IL1RAPL1: variants seen among roughly 807,000 people sequenced by gnomAD.
The protein encoded by IL1RAPL1 is interleukin-1 receptor accessory protein-like 1.
Under a neutral mutation model 48.4 loss-of-function variants are expected in IL1RAPL1, and 3 were observed. The observed-to-expected ratio is 0.06, with a 90% CI of 0.03 to 0.16. The LOEUF (loss-of-function observed/expected upper bound fraction) is 0.16, where lower values mean the gene tolerates loss of function less well. Among genes scored for constraint, IL1RAPL1 ranks in the 10% least tolerant of loss-of-function variants. The pLI, the probability that IL1RAPL1 is intolerant of heterozygous loss-of-function variation, is 1.00. For synonymous variants in IL1RAPL1, 185 were observed against 187.7 expected (o/e 0.99, Z 0.12); for missense variants, 349 against 530.6 (o/e 0.66, Z 3.36).
At chrX:29,062,032 T>G (rs1927353425) in intron 2 of IL1RAPL1, among the ~76,000 whole-genome samples, 1 of 112,283 alleles carries the variant, frequency 8.9e-6, no homozygotes. Context: ...GGATATGGGA[T>G]GTAAGGAGAA....
chrX:29,715,649 A>G (rs750999315), intron 6 of IL1RAPL1, among the ~76,000 whole-genome samples: 3 of 111,163 alleles, frequency 2.7e-5, no homozygotes, highest in Non-Finnish European at 5.7e-5. Flanking sequence ...ATTCTTTTCT[A>G]CCCTATCCTG....
chrX:28,910,490 A>G (rs1463421983), intron 2 of IL1RAPL1, among the ~76,000 whole-genome samples: 1 of 110,553 alleles, frequency 9.0e-6, no homozygotes, highest in Admixed American at 9.7e-5. Flanking sequence ...CAGAAGAGGA[A>G]AGAATTTCAA....
At chrX:29,211,022 ATTCTATC>A (rs1272902831) in intron 2 of IL1RAPL1, among the ~76,000 whole-genome samples, 3 of 111,339 alleles carry the variant, frequency 2.7e-5, no homozygotes, top group East Asian at 5.6e-4. Context: ...GATTAGCTGT[ATTCTATC>A]TTCTAACAGT....
In IL1RAPL1 at chrX:29,839,881, G is replaced by A. The variant is rs757418397; in HGVS notation, c.779-77583G>A. Among the ~76,000 whole-genome samples the A allele has an allele frequency of 2.9e-4, 32 of 112,237 alleles. No individual in the cohort carries two copies. In the South Asian group the frequency reaches 5.5e-3, roughly 19 times the overall value. ...GGTTGCAGTGAGTTGTGATCACGCC[G>A]CACCACTGCACTCTAACCTGGGTGG... On this transcript the variant is annotated intron_variant, in intron 6 of 10. Coordinates refer to ENST00000378993, the MANE Select transcript of IL1RAPL1 (RefSeq NM_014271.4).
At chrX:28,615,204 T>TG (rs1569138760) in intron 1 of IL1RAPL1, among the ~76,000 whole-genome samples, 3 of 37,038 alleles carry the variant, frequency 8.1e-5, no homozygotes, top group Admixed American at 3.1e-4. Context: ...TGTCTGTTTT[T>TG]TTTTTTTTTT....
chrX:29,547,260 A>G (rs983154013), intron 5 of IL1RAPL1, among the ~76,000 whole-genome samples: 2 of 111,398 alleles, frequency 1.8e-5, no homozygotes, highest in African/African-American at 6.5e-5. Context: ...TGTAACTTAC[A>G]TATTAATATG....
At chrX:29,460,821 C>T (rs1251129870) in intron 5 of IL1RAPL1, among the ~76,000 whole-genome samples, 2 of 111,721 alleles carry the variant, frequency 1.8e-5, no homozygotes, top group East Asian at 5.6e-4. Flanking sequence ...AGAGCTAAAA[C>T]TATGAAATGT....
chrX:29,634,727 A>T (rs748460438), intron 5 of IL1RAPL1, among the ~76,000 whole-genome samples: 5 of 112,003 alleles, frequency 4.5e-5, no homozygotes, highest in Non-Finnish European at 9.4e-5. Flanking sequence ...CCTTCTGCAC[A>T]CAAAGCTTCC....
chrX:29,905,753 C>T (rs1402001485), intron 6 of IL1RAPL1, among the ~76,000 whole-genome samples: 3 of 111,006 alleles, frequency 2.7e-5, no homozygotes, highest in Non-Finnish European at 5.7e-5. Context: ...CAAATATATT[C>T]CCTTTTATAG....
At chrX:29,720,727 A>G (rs1927618484) in intron 6 of IL1RAPL1, among the ~76,000 whole-genome samples, 2 of 111,679 alleles carry the variant, frequency 1.8e-5, no homozygotes, top group South Asian at 3.8e-4. Context: ...CGTTCTGCAC[A>G]TGTATCCTAG....
At chrX:29,355,879 T>TA (rs72441413) in intron 3 of IL1RAPL1, among the ~76,000 whole-genome samples, 6 of 108,699 alleles carry the variant, frequency 5.5e-5, no homozygotes, top group Admixed American at 2.0e-4. Flanking sequence ...AAGTAAACAG[T>TA]AAAAAAAAAC....
intron 2 of IL1RAPL1, among the ~76,000 whole-genome samples, chrX:29,057,433 T>C (rs1490035536): frequency 2.7e-5 from 3 of 109,392 alleles, no homozygotes; most frequent in African/African-American, 1.0e-4. Context: ...TTTTTCTTTT[T>C]TTTTCTTTTT....
At chrX:29,228,293 C>G (rs1380185840) in intron 2 of IL1RAPL1, among the ~76,000 whole-genome samples, 1 of 101,173 alleles carries the variant, frequency 9.9e-6, no homozygotes, top group Non-Finnish European at 2.0e-5. Flanking sequence ...TTTTGTCACT[C>G]AAATATGCAT....
chrX:29,893,119 G>A (rs921586429), intron 6 of IL1RAPL1, among the ~76,000 whole-genome samples: 1 of 111,611 alleles, frequency 9.0e-6, no homozygotes, highest in Non-Finnish European at 1.9e-5. Flanking sequence ...CGTTTACTGA[G>A]CTGTTGCTCT....
chrX:28,791,717 A>G (rs991245224), intron 2 of IL1RAPL1, among the ~76,000 whole-genome samples: 1 of 111,950 alleles, frequency 8.9e-6, no homozygotes, highest in African/African-American at 3.2e-5. Context: ...CCTAGTGTCT[A>G]TATTAAGATC....
At chrX:29,152,662 T>C (rs997501710) in intron 2 of IL1RAPL1, among the ~76,000 whole-genome samples, 1 of 112,369 alleles carries the variant, frequency 8.9e-6, no homozygotes. Flanking sequence ...CAACTTGTGA[T>C]TGTCTGAAAA....
chrX:29,933,274 G>GCCACA (rs1932976388), intron 8 of IL1RAPL1, among the ~76,000 whole-genome samples: 1 of 110,973 alleles, frequency 9.0e-6, no homozygotes, highest in South Asian at 3.9e-4. Flanking sequence ...CATGCCACGT[G>GCCACA]TATACCTATG....
intron 2 of IL1RAPL1, among the ~76,000 whole-genome samples, chrX:29,015,489 T>A (rs187135330): frequency 2.7e-5 from 3 of 111,046 alleles, no homozygotes; most frequent in African/African-American, 6.5e-5. Context: ...AAATATATAT[T>A]ATTAGAAGAA....
intron 1 of IL1RAPL1, among the ~76,000 whole-genome samples, chrX:28,596,860 T>C (rs1933961288): frequency 9.0e-6 from 1 of 111,491 alleles, no homozygotes; most frequent in African/African-American, 3.3e-5. Context: ...CACCTGTTAT[T>C]ATAATTCAAG....
Sources: gnomAD v4.1 joint callset for allele counts (sites outside exome capture counted in the v4.1 genomes callset) on GRCh38, gnomAD v4.1.1 for gene constraint, MANE v1.5 for transcripts, NCBI Gene and HGNC (gene_info 2026-07-23, HGNC 2026-07-21) for gene names.